Variants in OPCML observed in about 807,000 individuals in gnomAD.
OPCML encodes the protein opioid binding protein/cell adhesion molecule like.
In OPCML, 13 loss-of-function variants were observed where a neutral mutation model predicts 37.8. That is an observed-to-expected ratio of 0.34 (90% confidence interval 0.22 to 0.55). OPCML has a LOEUF of 0.55. Among genes scored for constraint, OPCML ranks in the 20% least tolerant of loss-of-function variants. The pLI is 0.91. For synonymous variants in OPCML, 176 were observed against 168.8 expected (o/e 1.04, Z -0.33); for missense variants, 341 against 435.6 (o/e 0.78, Z 1.93).
intron 1 of OPCML, among the ~76,000 whole-genome samples, chr11:133,379,321 T>G (rs943533358): frequency 6.6e-6 from 1 of 152,242 alleles, no homozygotes; most frequent in Non-Finnish European, 1.5e-5. Flanking sequence ...TACACCCCTG[T>G]GCGTCTGATC....
At chr11:132,728,336 A>C (rs1244510155) in intron 2 of OPCML, among the ~76,000 whole-genome samples, 1 of 152,168 alleles carries the variant, frequency 6.6e-6, no homozygotes, top group Admixed American at 6.5e-5. Context: ...AAGCGGAGTC[A>C]TGTCAACTCA....
At chr11:133,066,353 A>G (rs528626618) in intron 1 of OPCML, 2 of 152,366 alleles carry the variant, frequency 1.3e-5, no homozygotes, top group East Asian at 1.9e-4. Flanking sequence ...AAAAAATGCC[A>G]GTCTCACTGC....
chr11:133,252,905 T>G (rs190523651), intron 1 of OPCML, among the ~76,000 whole-genome samples: 10 of 152,210 alleles, frequency 6.6e-5, no homozygotes, highest in Admixed American at 2.6e-4. Flanking sequence ...CCCAGCACTT[T>G]GGGAGGCCAA....
At chr11:132,887,926 A>C (rs550451655) in intron 2 of OPCML, among the ~76,000 whole-genome samples, 1 of 152,326 alleles carries the variant, frequency 6.6e-6, no homozygotes, top group African/African-American at 2.4e-5. Context: ...GCATAGGGAA[A>C]GTTGAGGCCA....
chr11:133,515,900 A>T (rs1361868724), intron 1 of OPCML, among the ~76,000 whole-genome samples: 1 of 151,796 alleles, frequency 6.6e-6, no homozygotes, highest in Non-Finnish European at 1.5e-5. Context: ...TCACAGCGCC[A>T]TGAGTGAGTC....
At chr11:132,687,312 C>G (rs1943198880) in intron 2 of OPCML, among the ~76,000 whole-genome samples, 1 of 135,946 alleles carries the variant, frequency 7.4e-6, no homozygotes. Context: ...CTGCTCAAGA[C>G]TTGGACTTCT....
At chr11:133,262,740 G>T (rs1052931801) in intron 1 of OPCML, among the ~76,000 whole-genome samples, 2 of 152,090 alleles carry the variant, frequency 1.3e-5, no homozygotes, top group African/African-American at 4.8e-5. Flanking sequence ...TGTGGAGTGG[G>T]AATGACATAT....
At chr11:133,243,006 CTGTT>C (rs1256509949) in intron 1 of OPCML, among the ~76,000 whole-genome samples, 1 of 152,180 alleles carries the variant, frequency 6.6e-6, no homozygotes, top group Non-Finnish European at 1.5e-5. Flanking sequence ...CTTTCTGTCT[CTGTT>C]TGGTCTTCTC....
intron 1 of OPCML, among the ~76,000 whole-genome samples, chr11:133,009,538 T>A (rs1365590818): frequency 6.6e-6 from 1 of 152,226 alleles, no homozygotes; most frequent in East Asian, 1.9e-4. Flanking sequence ...GTCCACTCTA[T>A]ACTCTACAAG....
intron 2 of OPCML, among the ~76,000 whole-genome samples, chr11:132,820,907 A>C: frequency 6.6e-6 from 1 of 152,168 alleles, no homozygotes; most frequent in East Asian, 1.9e-4. Context: ...GATACATAGC[A>C]TGTATGTTTA....
chr11:133,107,835 T>C (rs889613891), intron 1 of OPCML, among the ~76,000 whole-genome samples: 1 of 152,246 alleles, frequency 6.6e-6, no homozygotes, highest in African/African-American at 2.4e-5. Context: ...AATGTTTGCC[T>C]ACTTGTCTTA....
At chr11:132,449,537 C>T (rs532880722) in intron 4 of OPCML, among the ~76,000 whole-genome samples, 18 of 152,270 alleles carry the variant, frequency 1.2e-4, no homozygotes, top group African/African-American at 3.6e-4. Context: ...TGGCTCACTT[C>T]GCTAATCCTT....
At chr11:133,480,209 C>G (rs999705931) in intron 1 of OPCML, among the ~76,000 whole-genome samples, 1 of 152,222 alleles carries the variant, frequency 6.6e-6, no homozygotes, top group Admixed American at 6.5e-5. Flanking sequence ...GCTTGCTCAT[C>G]CATTCACTGG....
chr11:132,639,304 C>T (rs952672911), intron 3 of OPCML, among the ~76,000 whole-genome samples: 1 of 152,172 alleles, frequency 6.6e-6, no homozygotes, highest in African/African-American at 2.4e-5. Flanking sequence ...GTTCCGGCAG[C>T]TTGCCAGAGG....
At chr11:132,972,287 A>G (rs1250831733) in intron 1 of OPCML, among the ~76,000 whole-genome samples, 2 of 152,110 alleles carry the variant, frequency 1.3e-5, no homozygotes, top group Non-Finnish European at 2.9e-5. Context: ...TACCCTCTTG[A>G]TGACTGGGCA....
At chr11:133,033,360 C>A (rs1947708132) in intron 1 of OPCML, among the ~76,000 whole-genome samples, 1 of 152,146 alleles carries the variant, frequency 6.6e-6, no homozygotes. Context: ...AGGGGTGGGG[C>A]CATATTCAAG....
At chr11:133,005,377 C>T in intron 1 of OPCML, 1 of 985,394 alleles carries the variant, frequency 1.0e-6, no homozygotes, top group East Asian at 1.1e-4. Flanking sequence ...AATGCCGTTT[C>T]TCAGATATCT....
At chr11:132,762,341 C>T (rs995398703) in intron 2 of OPCML, among the ~76,000 whole-genome samples, 1 of 152,196 alleles carries the variant, frequency 6.6e-6, no homozygotes, top group East Asian at 1.9e-4. Context: ...TGAGCCCTGT[C>T]CTGGGACATC....
At chr11:132,893,267 A>G (rs962859018) in intron 2 of OPCML, among the ~76,000 whole-genome samples, 6 of 152,180 alleles carry the variant, frequency 3.9e-5, no homozygotes, top group African/African-American at 1.4e-4. Flanking sequence ...GTCTCAAAAC[A>G]AAACAAAACA....
Sources: allele counts gnomAD v4.1 joint callset (sites outside exome capture counted in the v4.1 genomes callset), GRCh38; gene constraint gnomAD v4.1.1; transcripts MANE v1.5; gene names NCBI Gene and HGNC (gene_info 2026-07-23, HGNC 2026-07-21).